The following ELAVL4 variants were observed in gnomAD, a reference collection of about 807,000 sequenced individuals.
ELAVL4 encodes the protein ELAV-like protein 4.
In ELAVL4, 1 loss-of-function variant was observed where a neutral mutation model predicts 35.6. That is an observed-to-expected ratio of 0.03 (90% CI 0.01 to 0.13). The LOEUF (loss-of-function observed/expected upper bound fraction) is 0.13. Ranked by LOEUF, ELAVL4 falls within the 10% of genes least tolerant of loss-of-function variation. The pLI is 1.00. For synonymous variants in ELAVL4, 156 were observed against 171.0 expected, an observed-to-expected ratio of 0.91 and a Z score of 0.69; for missense variants, 267 against 464.9, an observed-to-expected ratio of 0.57 and a Z score of 3.91.
At chr1:50,066,959 A>G (rs1055297278) in intron 1 of ELAVL4, among the ~76,000 whole-genome samples, 2 of 152,194 alleles carry the variant, frequency 1.3e-5, no homozygotes, top group African/African-American at 4.8e-5. Flanking sequence ...CAAATAGAAC[A>G]GTGCCGAACA....
intron 1 of ELAVL4, among the ~76,000 whole-genome samples, chr1:50,082,671 A>T (rs1665061722): frequency 6.6e-6 from 1 of 152,146 alleles, no homozygotes; most frequent in South Asian, 2.1e-4. Context: ...ACCTATTCTC[A>T]TCTATTGTCT....
chr1:50,146,052 C>T (rs1258320135), intron 2 of ELAVL4, among the ~76,000 whole-genome samples: 2 of 152,150 alleles, frequency 1.3e-5, no homozygotes, highest in East Asian at 3.9e-4. Flanking sequence ...ATACTCCACT[C>T]CTGAAATCAT....
At chr1:50,076,779 G>T (rs749888953) in intron 1 of ELAVL4, among the ~76,000 whole-genome samples, 3 of 152,116 alleles carry the variant, frequency 2.0e-5, no homozygotes, top group Non-Finnish European at 4.4e-5. Flanking sequence ...AATATTTGAC[G>T]ATTATTTAGG....
At chr1:50,199,734 G>GAAAGA (rs1644288411) in intron 6 of ELAVL4, among the ~76,000 whole-genome samples, 1 of 146,946 alleles carries the variant, frequency 6.8e-6, no homozygotes, top group Non-Finnish European at 1.5e-5. Flanking sequence ...AAGAAAGAAA[G>GAAAGA]AAAAAAAAAG....
At chr1:50,094,171 T>C (rs972088204) in intron 1 of ELAVL4, among the ~76,000 whole-genome samples, 4 of 152,238 alleles carry the variant, frequency 2.6e-5, no homozygotes, top group African/African-American at 9.6e-5. Context: ...CATTTGTTAA[T>C]TTATTTAACT....
At chr1:50,143,576 G>A (rs1173816560) in intron 1 of ELAVL4, among the ~76,000 whole-genome samples, 9 of 152,166 alleles carry the variant, frequency 5.9e-5, no homozygotes, top group Non-Finnish European at 5.9e-5. Flanking sequence ...TTTTTCAAAT[G>A]AGGAAAATGA....
At chr1:50,108,884 A>T (rs1304563090), upstream of ELAVL4, 1 of 1,046,920 alleles carries the variant, frequency 9.6e-7, no homozygotes, top group African/African-American at 1.7e-5. Flanking sequence ...CGGCTGACAG[A>T]TGGTCCCATA....
At chr1:50,060,913 C>T (rs1333355096) in intron 1 of ELAVL4, among the ~76,000 whole-genome samples, 1 of 152,142 alleles carries the variant, frequency 6.6e-6, no homozygotes, top group Non-Finnish European at 1.5e-5. Context: ...GATAATTTTT[C>T]TTCTATTTCC....
upstream of ELAVL4, among the ~76,000 whole-genome samples, chr1:50,098,995 G>C (rs1031472098): frequency 2.6e-5 from 4 of 152,196 alleles, no homozygotes; most frequent in African/African-American, 9.6e-5. Flanking sequence ...GCTTCTGCTG[G>C]TGACCAACCT....
chr1:50,124,499 A>T (rs1327764935), intron 1 of ELAVL4, among the ~76,000 whole-genome samples: 1 of 152,136 alleles, frequency 6.6e-6, no homozygotes, highest in African/African-American at 2.4e-5. Flanking sequence ...ATGGCTAGGA[A>T]AATATCAGAC....
At chr1:50,099,560 CAA>C (rs750905424), upstream of ELAVL4, among the ~76,000 whole-genome samples, 11 of 56,304 alleles carry the variant, frequency 2.0e-4, no homozygotes, top group African/African-American at 2.8e-4. Context: ...AACTCCGCCT[CAA>C]AAAAAAAAAA....
At position 50,193,835 on chromosome 1, in the gene ELAVL4, C is replaced by G; in HGVS notation, c.425C>G (p.Thr142Ser). ...CTCTATGTTAGCGGCCTTCCCAAAA[C>G]CATGACCCAGAAGGAACTGGAGCAA... ...ANLYVSGLPKTMTQKELEQLF... is the reference protein window; with the variant it reads ...ANLYVSGLPKSMTQKELEQLF... Residue 142 changes from threonine (T) to serine (S), a missense_variant, in exon 4 of 7, where the codon ACC (threonine) becomes AGC (serine). By Grantham distance (58) the Thr-to-Ser change is moderately conservative. This residue lies in a region of ELAVL4 where 216 missense variants were observed against 409.5 expected (regional missense o/e 0.53). Coordinates refer to ENST00000371824, the MANE Select transcript of ELAVL4 (RefSeq NM_001144774.3). 1 of 1,614,122 alleles carries G rather than the reference C, an allele frequency of 6.2e-7. No individual in the cohort carries two copies. The highest frequency in any genetic ancestry group is 2.2e-5 in the East Asian group (1 of 44,880).
chr1:50,081,449 T>C lies in ELAVL4; in HGVS notation c.18+33267T>C, dbSNP rs143353024. Among the ~76,000 whole-genome samples the C allele has an allele frequency of 4.6e-5, 7 of 152,338 alleles. No individual in the cohort carries two copies. The East Asian group carries it at 1.4e-3, about 29-fold the overall frequency. On this transcript the variant is annotated intron_variant, in intron 1 of 6. Transcript: ENST00000448907. The stretch of plus-strand genomic sequence containing the variant: ...TTAAGTTCCATTTCCCCTAGGCTCA[T>C]GCCATGCCTAAGAATCATCTGCTGA...
At chr1:50,087,781 G>A (rs1665316648) in intron 1 of ELAVL4, among the ~76,000 whole-genome samples, 2 of 152,196 alleles carry the variant, frequency 1.3e-5, no homozygotes, top group South Asian at 4.1e-4. Context: ...CAAGGACACA[G>A]TGAGAAGGCA....
chr1:50,109,813 G>T, intron 1 of ELAVL4: 1 of 1,169,152 alleles, frequency 8.6e-7, no homozygotes, highest in Non-Finnish European at 1.2e-6. Flanking sequence ...GTGTAGCAGT[G>T]CCTGGCGTGT....
At chr1:50,109,233 GT>G (rs1259845336) in intron 1 of ELAVL4, 35 bp downstream of exon 1, 1 of 1,606,814 alleles carries the variant, frequency 6.2e-7, no homozygotes, top group Non-Finnish European at 8.5e-7. Flanking sequence ...TGTTGTTTGT[GT>G]TGCTGGAGGG....
chr1:50,129,975 T>C (rs1037299744), intron 1 of ELAVL4, among the ~76,000 whole-genome samples: 2 of 152,146 alleles, frequency 1.3e-5, no homozygotes, highest in Non-Finnish European at 2.9e-5. Context: ...ATTTTTCAAA[T>C]GAGTAAACTT....
chr1:50,067,927 G>A (rs980640898), intron 1 of ELAVL4, among the ~76,000 whole-genome samples: 7 of 152,012 alleles, frequency 4.6e-5, no homozygotes, highest in Non-Finnish European at 1.0e-4. Flanking sequence ...GAACTCACTC[G>A]CTATCACAAG....
At chr1:50,133,421 C>G (rs1388966890) in intron 1 of ELAVL4, among the ~76,000 whole-genome samples, 1 of 152,026 alleles carries the variant, frequency 6.6e-6, no homozygotes, top group African/African-American at 2.4e-5. Flanking sequence ...TTGGTGGAGT[C>G]CAGTTTTACT....
Sources: allele counts gnomAD v4.1 joint callset (sites outside exome capture counted in the v4.1 genomes callset), GRCh38; gene constraint gnomAD v4.1.1; regional missense constraint gnomAD v4.1.1; transcripts MANE v1.5; gene names NCBI Gene and HGNC (gene_info 2026-07-23, HGNC 2026-07-21).